The following FSTL5 variants were observed in gnomAD, a reference collection of about 807,000 sequenced individuals.
FSTL5 encodes follistatin-related protein 5.
FSTL5 carries 62 observed loss-of-function variants against 89.1 expected under a neutral mutation model. That is an observed-to-expected ratio of 0.70 (90% confidence interval 0.57 to 0.86). The LOEUF (loss-of-function observed/expected upper bound fraction) is 0.86. Ranked by LOEUF, FSTL5 falls within the 40% of genes least tolerant of loss-of-function variation. The pLI is 0.00. For synonymous variants in FSTL5, 383 were observed against 346.2 expected (o/e 1.11, Z -1.18); for missense variants, 1,057 against 1,001.6 (o/e 1.06, Z -0.75).
At chr4:161,736,702 T>G (rs1272108216) in intron 6 of FSTL5, among the ~76,000 whole-genome samples, 1 of 152,076 alleles carries the variant, frequency 6.6e-6, no homozygotes, top group Non-Finnish European at 1.5e-5. Flanking sequence ...GGCTGCATAA[T>G]CTGAAGAAGG....
chr4:161,625,821 C>T (rs1322976216), intron 7 of FSTL5, among the ~76,000 whole-genome samples: 2 of 152,034 alleles, frequency 1.3e-5, no homozygotes, highest in South Asian at 2.1e-4. Context: ...AATAAACACA[C>T]AAAAAATAAC....
At chr4:161,968,960 C>CAT (rs35206587) in intron 3 of FSTL5, among the ~76,000 whole-genome samples, 5 of 98,842 alleles carry the variant, frequency 5.1e-5, no homozygotes, top group African/African-American at 1.6e-4. Context: ...CACACACACA[C>CAT]TCACATAAGC....
At chr4:161,735,808 T>C (rs2126766477) in intron 6 of FSTL5, among the ~76,000 whole-genome samples, 1 of 152,282 alleles carries the variant, frequency 6.6e-6, no homozygotes, top group East Asian at 1.9e-4. Context: ...TATTTTGTAA[T>C]GAAGTGAGAT....
intron 2 of FSTL5, among the ~76,000 whole-genome samples, chr4:162,083,017 A>G (rs1730163304): frequency 6.6e-6 from 1 of 151,688 alleles, no homozygotes; most frequent in East Asian, 1.9e-4. Context: ...AAGCTTGCTA[A>G]ATGAATGATA....
intron 3 of FSTL5, among the ~76,000 whole-genome samples, chr4:161,965,731 C>T (rs1414458677): frequency 6.6e-6 from 1 of 152,022 alleles, no homozygotes; most frequent in Non-Finnish European, 1.5e-5. Flanking sequence ...TCACTGGGCC[C>T]TTGTTCATGC....
chr4:162,162,379 T>A (rs1441075905), intron 1 of FSTL5, among the ~76,000 whole-genome samples: 10 of 152,234 alleles, frequency 6.6e-5, no homozygotes, highest in Non-Finnish European at 2.9e-5. Flanking sequence ...TATATTTAAC[T>A]CATTCCTATT....
At chr4:161,637,762 T>C (rs1461488478) in intron 7 of FSTL5, among the ~76,000 whole-genome samples, 23 of 119,120 alleles carry the variant, frequency 1.9e-4, no homozygotes, top group Non-Finnish European at 1.3e-4. Context: ...TTGTCAAAGA[T>C]CAGATAGTTG....
intron 6 of FSTL5, among the ~76,000 whole-genome samples, chr4:161,700,611 A>G (rs1317668010): frequency 6.6e-6 from 1 of 152,036 alleles, no homozygotes; most frequent in Non-Finnish European, 1.5e-5. Flanking sequence ...TCCTAGGTTC[A>G]AGCAATCCAC....
At chr4:161,610,834 G>A (rs1397287902) in intron 7 of FSTL5, among the ~76,000 whole-genome samples, 1 of 151,560 alleles carries the variant, frequency 6.6e-6, no homozygotes, top group Non-Finnish European at 1.5e-5. Context: ...GATTTTATGT[G>A]CTGTAATTTA....
At chr4:161,995,559 C>T (rs79328068) in intron 3 of FSTL5, among the ~76,000 whole-genome samples, 1,828 of 152,116 alleles carry the variant, frequency 0.012, 44 homozygotes, top group African/African-American at 0.042. Context: ...AGCAGACGGA[C>T]CAGGGTTATT....
At chr4:161,669,125 A>AAT (rs1553956620) in intron 6 of FSTL5, among the ~76,000 whole-genome samples, 6 of 144,914 alleles carry the variant, frequency 4.1e-5, no homozygotes, top group Non-Finnish European at 9.2e-5. Context: ...AAAAAAAAAA[A>AAT]AATAAAATAA....
At chr4:161,621,710 G>A (rs1163443235) in intron 7 of FSTL5, among the ~76,000 whole-genome samples, 1 of 151,842 alleles carries the variant, frequency 6.6e-6, no homozygotes, top group Non-Finnish European at 1.5e-5. Flanking sequence ...AGGCGCAATG[G>A]CTCACAGCTG....
intron 3 of FSTL5, among the ~76,000 whole-genome samples, chr4:161,963,365 A>T (rs1735234502): frequency 6.6e-6 from 1 of 151,962 alleles, no homozygotes; most frequent in South Asian, 2.1e-4. Context: ...AAAAATATAA[A>T]TCAAAGCAAT....
At chr4:161,589,554 G>C (rs1280280988) in intron 7 of FSTL5, among the ~76,000 whole-genome samples, 1 of 151,950 alleles carries the variant, frequency 6.6e-6, no homozygotes, top group Non-Finnish European at 1.5e-5. Flanking sequence ...CTGGCCTCAA[G>C]TGACCCTCCT....
intron 7 of FSTL5, among the ~76,000 whole-genome samples, chr4:161,651,466 A>AT (rs967220682): frequency 2.0e-5 from 3 of 151,910 alleles, no homozygotes; most frequent in Non-Finnish European, 4.4e-5. Flanking sequence ...CTAAATTACT[A>AT]TTTTTTTAGG....
intron 7 of FSTL5, among the ~76,000 whole-genome samples, chr4:161,616,104 G>C (rs1394769166): frequency 7.2e-6 from 1 of 138,018 alleles, no homozygotes; most frequent in African/African-American, 2.7e-5. Context: ...TTCTTTTTTT[G>C]AGATGGGGTT....
At chr4:161,482,437 T>C (rs1467977992) in intron 12 of FSTL5, among the ~76,000 whole-genome samples, 5 of 152,256 alleles carry the variant, frequency 3.3e-5, no homozygotes, top group African/African-American at 1.2e-4. Context: ...ATTTCATTTA[T>C]TTGTATACTC....
chr4:161,826,855 T>A (rs908711982), intron 4 of FSTL5, among the ~76,000 whole-genome samples: 6 of 152,212 alleles, frequency 3.9e-5, no homozygotes, highest in African/African-American at 1.2e-4. Flanking sequence ...CCATTCTTTA[T>A]CTTTTAAGTA....
intron 4 of FSTL5, among the ~76,000 whole-genome samples, chr4:161,792,609 T>A (rs1182852468): frequency 2.6e-5 from 4 of 151,990 alleles, no homozygotes; most frequent in Non-Finnish European, 5.9e-5. Context: ...TTCAGCCAAA[T>A]GTGAGAAGAT....
Sources: allele counts gnomAD v4.1 joint callset (sites outside exome capture counted in the v4.1 genomes callset), GRCh38; gene constraint gnomAD v4.1.1; transcripts MANE v1.5; gene names NCBI Gene and HGNC (gene_info 2026-07-23, HGNC 2026-07-21).